Variants in THSD7A observed in about 807,000 individuals in gnomAD.
The protein encoded by THSD7A is thrombospondin type 1 domain containing 7A.
In THSD7A, 96 loss-of-function variants were observed where a neutral mutation model predicts 231.3. The ratio of observed to expected loss-of-function variants is 0.41; its 90% CI spans 0.35 to 0.49. THSD7A has a LOEUF of 0.49. THSD7A is among the 20% of genes least tolerant of loss of function. The pLI, the probability that THSD7A is intolerant of heterozygous loss-of-function variation, is 0.05. For synonymous variants in THSD7A, 940 were observed against 743.3 expected (o/e 1.26, Z -4.30); for missense variants, 2,290 against 2,070.2 (o/e 1.11, Z -2.06).
chr7:11,662,415 T>A (rs568492909), intron 1 of THSD7A, among the ~76,000 whole-genome samples: 4 of 151,452 alleles, frequency 2.6e-5, no homozygotes, highest in African/African-American at 9.6e-5. Flanking sequence ...TATTTTAAAA[T>A]GGACAGATTT....
chr7:11,568,852 A>G (rs1174203030), intron 4 of THSD7A, among the ~76,000 whole-genome samples: 1 of 151,866 alleles, frequency 6.6e-6, no homozygotes, highest in Non-Finnish European at 1.5e-5. Flanking sequence ...TAAAACTCTT[A>G]GAACTGATAA....
intron 11 of THSD7A, among the ~76,000 whole-genome samples, chr7:11,454,342 C>T (rs1029742143): frequency 2.6e-5 from 4 of 151,704 alleles, no homozygotes; most frequent in African/African-American, 4.8e-5. Flanking sequence ...TTCTCAATAC[C>T]CAAAGCCTTG....
chr7:11,658,235 C>T (rs1307108173), intron 1 of THSD7A, among the ~76,000 whole-genome samples: 1 of 151,706 alleles, frequency 6.6e-6, no homozygotes, highest in Non-Finnish European at 1.5e-5. Context: ...GAGAGAGTCA[C>T]TTATTATTGT....
At chr7:11,475,429 G>T (rs954401874) in intron 7 of THSD7A, among the ~76,000 whole-genome samples, 1 of 151,918 alleles carries the variant, frequency 6.6e-6, no homozygotes, top group Admixed American at 6.6e-5. Context: ...ACTGTCCACC[G>T]TGAAGCCTGC....
rs2115384454 is a variant in THSD7A at position 11,411,721 on chromosome 7, T to G, written c.3683-399A>C. On this transcript the variant is annotated intron_variant, in intron 18 of 27. Coordinates refer to ENST00000423059, the MANE Select transcript of THSD7A (RefSeq NM_015204.3). The surrounding 1 kb of genome is among the most constrained non-coding windows in gnomAD (Gnocchi z 4.1). ...GACAGACGGTACTTTAACTGTGTAG[T>G]TATATTCAGATAAAACATACATTTT... Among the ~76,000 whole-genome samples, 1 of 152,348 alleles carries G rather than the reference T, an allele frequency of 6.6e-6. No individual in the cohort carries two copies. The highest frequency in any genetic ancestry group is 2.4e-5 in the African/African-American group (1 of 41,584).
At chr7:11,571,803 CTT>C (rs149559873) in intron 4 of THSD7A, among the ~76,000 whole-genome samples, 3 of 149,856 alleles carry the variant, frequency 2.0e-5, no homozygotes, top group African/African-American at 7.3e-5. Context: ...TGTATTGTAT[CTT>C]TTTTTTTTCC....
Position 11,565,066 on chromosome 7 carries a change from T to C in THSD7A, c.1454-21949A>G, listed in dbSNP as rs144887043. Among the ~76,000 whole-genome samples the C allele has an allele frequency of 7.2e-3, 1,090 of 152,248 alleles. 2 individuals carry two copies. The highest frequency in any genetic ancestry group is 0.011 in the Non-Finnish European group (779 of 68,000). On this transcript the variant is annotated intron_variant, in intron 4 of 27. Coordinates refer to ENST00000423059, the MANE Select transcript of THSD7A (RefSeq NM_015204.3). ...CTTTCCATTTTTTCTAAATAGGACA[T>C]GTTGTAGAATAGTGTACATAGAACT...
At chr7:11,512,783 C>A (rs113781053) in intron 6 of THSD7A, among the ~76,000 whole-genome samples, 1,623 of 50,096 alleles carry the variant, frequency 0.032, 75 homozygotes, top group African/African-American at 0.13. Flanking sequence ...TGTCATGGGG[C>A]GGGGGGAGGG....
chr7:11,684,347 G>A (rs146859994), intron 1 of THSD7A, among the ~76,000 whole-genome samples: 26 of 149,372 alleles, frequency 1.7e-4, no homozygotes, highest in African/African-American at 6.2e-4. Context: ...TTGTTCTCAT[G>A]ACTGCTATTC....
Position 11,590,375 on chromosome 7 carries a change from G to A in THSD7A, c.1453+85C>T. ...ACAGAAATGCAGCCCTCATAACCTGGATGGCTGTGTATATATCCCTTCAGA... is the reference window on the plus strand; with the variant it reads ...ACAGAAATGCAGCCCTCATAACCTGAATGGCTGTGTATATATCCCTTCAGA... On this transcript the variant is annotated intron_variant, in intron 4 of 27. Transcript: ENST00000423059. This position sits in a 1 kb window ranked among gnomAD's most constrained non-coding sequence, Gnocchi z 4.4. The A allele has an allele frequency of 7.2e-7, 1 of 1,389,708 alleles. No individual in the cohort carries two copies. Among genetic ancestry groups the A allele is most frequent in the Non-Finnish European group, 9.7e-7 (1 of 1,031,838 alleles). 86.1% of individuals were successfully genotyped at this position (1,389,708 alleles called of 1,614,324 possible).
At chr7:11,578,172 T>G (rs1324293494) in intron 4 of THSD7A, among the ~76,000 whole-genome samples, 2 of 152,168 alleles carry the variant, frequency 1.3e-5, no homozygotes, top group Non-Finnish European at 2.9e-5. Context: ...GCGAAACTGT[T>G]ATTTAAAAAA....
intron 1 of THSD7A, among the ~76,000 whole-genome samples, chr7:11,785,598 C>G (rs980949303): frequency 6.6e-6 from 1 of 151,988 alleles, no homozygotes; most frequent in East Asian, 1.9e-4. Context: ...TAATCCTGTC[C>G]CTTAAATATC....
At chr7:11,827,348 T>C (rs1445519808) in intron 1 of THSD7A, among the ~76,000 whole-genome samples, 1 of 152,194 alleles carries the variant, frequency 6.6e-6, no homozygotes, top group East Asian at 1.9e-4. Flanking sequence ...TCTACCTCTA[T>C]ACCTAAAATG....
At chr7:11,678,391 A>G (rs184246278) in intron 1 of THSD7A, among the ~76,000 whole-genome samples, 1 of 152,256 alleles carries the variant, frequency 6.6e-6, no homozygotes, top group Admixed American at 6.5e-5. Context: ...CTTCAAAAAA[A>G]TCAGTGAATA....
At chr7:11,609,237 G>C (rs566094680) in intron 2 of THSD7A, among the ~76,000 whole-genome samples, 6 of 152,168 alleles carry the variant, frequency 3.9e-5, no homozygotes, top group African/African-American at 1.4e-4. Context: ...TTCTCACAAA[G>C]AATAAAACAT....
At chr7:11,439,003 G>T (rs1160813375) in intron 13 of THSD7A, among the ~76,000 whole-genome samples, 1 of 151,628 alleles carries the variant, frequency 6.6e-6, no homozygotes, top group Admixed American at 6.6e-5. Flanking sequence ...TTTTCTTCAA[G>T]CACAAAAAGT....
At chr7:11,416,655 T>C (rs1469108001) in intron 17 of THSD7A, among the ~76,000 whole-genome samples, 1 of 152,364 alleles carries the variant, frequency 6.6e-6, no homozygotes, top group East Asian at 1.9e-4. Flanking sequence ...GAAATGGTTT[T>C]ATATTGTATT....
intron 1 of THSD7A, among the ~76,000 whole-genome samples, chr7:11,674,338 C>G (rs1783546238): frequency 6.6e-6 from 1 of 152,032 alleles, no homozygotes; most frequent in Non-Finnish European, 1.5e-5. Flanking sequence ...TGGAAGTGGC[C>G]ACTTCTCGCA....
intron 17 of THSD7A, 103 bp downstream of exon 17, chr7:11,417,345 CAG>C: frequency 5.2e-6 from 6 of 1,156,452 alleles, no homozygotes; most frequent in Non-Finnish European, 7.1e-6. Context: ...GGCAAACAAA[CAG>C]ATTTTACATT....
Sources: allele counts gnomAD v4.1 joint callset (sites outside exome capture counted in the v4.1 genomes callset), GRCh38; gene constraint gnomAD v4.1.1; non-coding constraint Gnocchi (gnomAD v3.1); transcripts MANE v1.5; gene names NCBI Gene and HGNC (gene_info 2026-07-23, HGNC 2026-07-21).